CYBRD1: variants seen among roughly 807,000 people sequenced by gnomAD.
The protein encoded by CYBRD1 is cytochrome b reductase 1.
CYBRD1 carries 14 observed loss-of-function variants against 21.9 expected under a neutral mutation model. The observed-to-expected ratio is 0.64, with a 90% CI of 0.42 to 1.00. CYBRD1 has a LOEUF of 1.00. Ranked by LOEUF, CYBRD1 falls within the 50% of genes least tolerant of loss-of-function variation. The pLI, the probability that CYBRD1 is intolerant of heterozygous loss-of-function variation, is 0.00. For synonymous variants in CYBRD1, 146 were observed against 136.5 expected, an observed-to-expected ratio of 1.07 and a Z score of -0.48; for missense variants, 328 against 352.5, an observed-to-expected ratio of 0.93 and a Z score of 0.56.
chr2:171,550,942 A>ATTTTCTTTTCCTTTCTTTTCTT (rs1201250079), intron 2 of CYBRD1: 1 of 186,346 alleles, frequency 5.4e-6, no homozygotes, highest in African/African-American at 2.4e-5. Flanking sequence ...CCTGAGCCCC[A>ATTTTCTTTTCCTTTCTTTTCTT]TTTTCTTTTC....
At chr2:171,547,935 G>A (rs1179726084) in intron 2 of CYBRD1, among the ~76,000 whole-genome samples, 3 of 151,970 alleles carry the variant, frequency 2.0e-5, no homozygotes, top group African/African-American at 4.8e-5. Flanking sequence ...GCAGACCAGG[G>A]GTAGTCATGA....
chr2:171,544,021 C>T (rs1697675011), intron 2 of CYBRD1, among the ~76,000 whole-genome samples: 1 of 152,132 alleles, frequency 6.6e-6, no homozygotes, highest in Admixed American at 6.5e-5. Context: ...AGTGATTGAC[C>T]CAGATTATAT....
At chr2:171,537,493 C>G (rs963784659) in intron 1 of CYBRD1, among the ~76,000 whole-genome samples, 2 of 152,014 alleles carry the variant, frequency 1.3e-5, no homozygotes, top group African/African-American at 4.8e-5. Flanking sequence ...TTAAACAATA[C>G]TTATGGGTCA....
At chr2:171,523,204 C>A (rs1472921770) in intron 1 of CYBRD1, 1 of 366,078 alleles carries the variant, frequency 2.7e-6, no homozygotes, top group Admixed American at 3.6e-5. Flanking sequence ...ACTTTCGCCT[C>A]AGCCTTTTGC....
chr2:171,539,250 G>A (rs1697592829), intron 1 of CYBRD1, among the ~76,000 whole-genome samples: 1 of 152,176 alleles, frequency 6.6e-6, no homozygotes, highest in African/African-American at 2.4e-5. Flanking sequence ...TTGGGATGCT[G>A]AGGCGGGTGG....
chr2:171,545,995 G>A (rs76652088), intron 2 of CYBRD1, among the ~76,000 whole-genome samples: 1 of 151,986 alleles, frequency 6.6e-6, no homozygotes. Context: ...AAACATATTT[G>A]TCTCAAAATT....
rs550355580 is a variant in CYBRD1 at position 171,555,110 on chromosome 2, A to G, written c.*283A>G. The G allele has an allele frequency of 6.8e-6, 3 of 438,584 alleles. No homozygotes were observed. The highest frequency in any genetic ancestry group is 6.0e-5 in the African/African-American group (3 of 50,264). The allele number at this position is 438,584 out of a possible 1,614,324, so 27.2% of individuals were successfully genotyped here. On this transcript the variant is annotated 3_prime_UTR_variant, in exon 4 of 4. Coordinates refer to ENST00000321348, the MANE Select transcript of CYBRD1 (RefSeq NM_024843.4). The stretch of plus-strand genomic sequence containing the variant: ...GCACGGTGCCTTGTGCAGAATAGAT[A>G]CTCAATATGTGAATATGTGTCTACT...
intron 2 of CYBRD1, among the ~76,000 whole-genome samples, chr2:171,544,127 T>C (rs899224563): frequency 2.6e-5 from 4 of 152,234 alleles, no homozygotes; most frequent in African/African-American, 9.6e-5. Flanking sequence ...TAATGATGTA[T>C]TCTTGTAGTT....
rs540517235 is a variant in CYBRD1, at chr2:171,524,444, A to G, written c.193+1706A>G. 5.2e-4 allele frequency among the ~76,000 whole-genome samples: 79 copies of G among 152,310 alleles called. 1 individual carries two copies. The highest frequency in any genetic ancestry group is 4.4e-3 in the Admixed American group (67 of 15,302). On this transcript the variant is annotated intron_variant, in intron 1 of 3. Transcript: ENST00000321348. ...ACTCTTCAGAGCAGCTTCTAATACC[A>G]AAAAGCTTTCTGGAGGTCTTGGAAT...
chr2:171,543,669 GATTA>G (rs1037859895), intron 2 of CYBRD1, among the ~76,000 whole-genome samples: 2 of 151,022 alleles, frequency 1.3e-5, no homozygotes, highest in South Asian at 2.1e-4. Flanking sequence ...TTTAAATATT[GATTA>G]ATTAAATCAT....
rs992734434 is a variant in CYBRD1 at position 171,556,576 on chromosome 2, G to T, written c.*1749G>T. On this transcript the variant is annotated 3_prime_UTR_variant, in exon 4 of 4. Transcript: ENST00000321348. ...TTAGTGGATTTCTTTTTAGGTAACT[G>T]GTACTTACTTCCAAAGACTGAATAC... The T allele has an allele frequency of 1.3e-5, 2 of 151,990 alleles. No homozygotes were observed. The highest frequency in any genetic ancestry group is 4.8e-5 in the African/African-American group (2 of 41,382). The allele number at this position is 151,990 out of a possible 1,614,324, so 9.4% of individuals were successfully genotyped here.
At position 171,539,012 on chromosome 2, in the gene CYBRD1, T is replaced by G. The variant is rs147565174; in HGVS notation, c.194-2573T>G. ...TGGGCTTCATTATGTTGGCCAGGCT[T>G]GTCTCGAACTCCTGACCTCAGGTGA... On this transcript the variant is annotated intron_variant, in intron 1 of 3. Coordinates refer to ENST00000321348, the MANE Select transcript of CYBRD1 (RefSeq NM_024843.4). Among the ~76,000 whole-genome samples, 1,359 of 152,156 alleles carry G rather than the reference T, an allele frequency of 8.9e-3. 20 individuals are homozygous for G. Among genetic ancestry groups the G allele is most frequent in the African/African-American group, 0.027 (1,141 of 41,518 alleles).
intron 2 of CYBRD1, among the ~76,000 whole-genome samples, chr2:171,548,699 T>C (rs1697756295): frequency 1.6e-5 from 2 of 122,180 alleles, no homozygotes; most frequent in African/African-American, 6.5e-5. Flanking sequence ...GCTAGCCAGG[T>C]AGATATTTTC....
chr2:171,554,894 A>G lies in CYBRD1; in HGVS notation c.*67A>G. On this transcript the variant is annotated 3_prime_UTR_variant, in exon 4 of 4. Transcript: ENST00000321348. ...CTAGCTCTACAGTTTTGCTTCTCCT[A>G]TTAGCCATATGATAATTGGGCTATG... 3 of 1,516,428 alleles carry G rather than the reference A, an allele frequency of 2.0e-6. No individual in the cohort carries two copies. The East Asian group carries it at 6.9e-5, about 35-fold the overall frequency. 93.9% of individuals were successfully genotyped at this position (1,516,428 alleles called of 1,614,324 possible).
At chr2:171,523,269 C>T in intron 1 of CYBRD1, 2 of 434,422 alleles carry the variant, frequency 4.6e-6, no homozygotes, top group South Asian at 1.7e-5. Flanking sequence ...GAAAAGATTG[C>T]CGGAGCGAGA....
In CYBRD1 at chr2:171,540,157, T is replaced by C. The variant is rs572619705; in HGVS notation, c.194-1428T>C. On this transcript the variant is annotated intron_variant, in intron 1 of 3. Transcript: ENST00000321348. The stretch of plus-strand genomic sequence containing the variant: ...AGGAGTCTTCAAAATCCCTTGTGTG[T>C]TCCATTGTAATTGCTGTATCCTTCC... Among the ~76,000 whole-genome samples the C allele has an allele frequency of 2.6e-5, 4 of 152,340 alleles. No individual in the cohort carries two copies. In the East Asian group the frequency reaches 7.7e-4, roughly 29 times the overall value.
At chr2:171,543,731 T>A (rs1697670642) in intron 2 of CYBRD1, among the ~76,000 whole-genome samples, 1 of 151,748 alleles carries the variant, frequency 6.6e-6, no homozygotes, top group Non-Finnish European at 1.5e-5. Context: ...TAAAAAATGG[T>A]CTCATATATA....
At chr2:171,547,090 C>T (rs2105343548) in intron 2 of CYBRD1, among the ~76,000 whole-genome samples, 1 of 152,184 alleles carries the variant, frequency 6.6e-6, no homozygotes, top group East Asian at 1.9e-4. Context: ...CACTCACAGG[C>T]TTTATTGAGC....
In CYBRD1 at chr2:171,555,890, C is replaced by T. The variant is rs1479485030; in HGVS notation, c.*1063C>T. On this transcript the variant is annotated 3_prime_UTR_variant, in exon 4 of 4. Coordinates refer to ENST00000321348, the MANE Select transcript of CYBRD1 (RefSeq NM_024843.4). ...CTGGCACCTCAGTCTGGATTCTAAC[C>T]ATTTCACTAAGCTATTTTTGTCTTG... 1.3e-5 allele frequency: 2 copies of T among 152,224 alleles called. No homozygotes were observed. The highest frequency in any genetic ancestry group is 2.9e-5 in the Non-Finnish European group (2 of 68,044). 9.4% of individuals were successfully genotyped at this position (152,224 alleles called of 1,614,324 possible).
Sources: gnomAD v4.1 joint callset for allele counts (sites outside exome capture counted in the v4.1 genomes callset) on GRCh38, gnomAD v4.1.1 for gene constraint, MANE v1.5 for transcripts, NCBI Gene and HGNC (gene_info 2026-07-23, HGNC 2026-07-21) for gene names.